Variants in DCC observed in about 807,000 individuals in gnomAD.
The protein encoded by DCC is DCC netrin 1 receptor.
In DCC, 58 loss-of-function variants were observed where a neutral mutation model predicts 172.5. The ratio of observed to expected loss-of-function variants is 0.34; its 90% confidence interval spans 0.27 to 0.42. The LOEUF (loss-of-function observed/expected upper bound fraction) is 0.42. DCC is among the 10% of genes least tolerant of loss of function. The pLI, the probability that DCC is intolerant of heterozygous loss-of-function variation, is 1.00. For synonymous variants in DCC, 709 were observed against 644.5 expected (o/e 1.10, Z -1.52); for missense variants, 1,740 against 1,791.0 (o/e 0.97, Z 0.51).
chr18:52,749,829 A>G (rs1843900525), intron 1 of DCC, among the ~76,000 whole-genome samples: 1 of 152,264 alleles, frequency 6.6e-6, no homozygotes, highest in African/African-American at 2.4e-5. Context: ...CCCCAGGAAG[A>G]ACAAAAAAGC....
intron 1 of DCC, among the ~76,000 whole-genome samples, chr18:52,360,809 A>T (rs1351059274): frequency 6.6e-6 from 1 of 152,206 alleles, no homozygotes; most frequent in Non-Finnish European, 1.5e-5. Context: ...ATTGGATACA[A>T]ATGTTTAGTT....
chr18:53,348,527 T>C (rs1479303918), intron 15 of DCC, among the ~76,000 whole-genome samples: 1 of 152,100 alleles, frequency 6.6e-6, no homozygotes, highest in Admixed American at 6.5e-5. Flanking sequence ...TGGAGGACAG[T>C]GGCCCTCTTC....
intron 15 of DCC, among the ~76,000 whole-genome samples, chr18:53,345,668 C>G (rs2057715064): frequency 6.6e-6 from 1 of 152,072 alleles, no homozygotes; most frequent in Non-Finnish European, 1.5e-5. Context: ...GTGGCAACAA[C>G]TTTTCTTCGT....
In DCC at chr18:52,923,834, A is replaced by T. The variant is rs747919102; in HGVS notation, c.825A>T (p.Arg275=). 3.7e-6 allele frequency: 6 copies of T among 1,613,218 alleles called. No individual in the cohort carries two copies. In the South Asian group the frequency reaches 6.6e-5, roughly 18 times the overall value. The stretch of plus-strand genomic sequence containing the variant: ...CTCCACCAAGTTTTACCTGGTTACG[A>T]GGCGAGGAAGTCATCCAACTCAGGT... ...GYPPPSFTWL[R]GEEVIQLRSK... The change falls in exon 4 of 29, where the codon CGA becomes CGT. Residue 275 remains arginine, a synonymous_variant. Transcript: ENST00000442544.
chr18:52,723,593 C>T (rs925913587), intron 1 of DCC, among the ~76,000 whole-genome samples: 5 of 152,162 alleles, frequency 3.3e-5, no homozygotes, highest in Non-Finnish European at 5.9e-5. Flanking sequence ...GAGGGTGAGG[C>T]TTGGCTGTGG....
At chr18:52,936,984 G>A (rs1044713359) in intron 5 of DCC, among the ~76,000 whole-genome samples, 1 of 152,080 alleles carries the variant, frequency 6.6e-6, no homozygotes, top group African/African-American at 2.4e-5. Context: ...TATGTAGTAA[G>A]GTATGGACTC....
intron 1 of DCC, among the ~76,000 whole-genome samples, chr18:52,540,953 A>G (rs1432375855): frequency 6.6e-6 from 1 of 152,072 alleles, no homozygotes; most frequent in African/African-American, 2.4e-5. Context: ...GGCCTCAAAC[A>G]TGAGGTTGTA....
At chr18:52,843,894 C>G (rs1465394189) in intron 2 of DCC, among the ~76,000 whole-genome samples, 1 of 152,086 alleles carries the variant, frequency 6.6e-6, no homozygotes, top group Non-Finnish European at 1.5e-5. Flanking sequence ...CCACTGTGGG[C>G]TGACTCATTT....
intron 8 of DCC, among the ~76,000 whole-genome samples, chr18:53,158,110 C>G (rs371855244): frequency 1.3e-5 from 2 of 149,694 alleles, no homozygotes; most frequent in Non-Finnish European, 3.0e-5. Context: ...TCTATTATGT[C>G]CCCACGAAAA....
intron 7 of DCC, among the ~76,000 whole-genome samples, chr18:53,088,570 C>A (rs890888707): frequency 6.6e-6 from 1 of 151,876 alleles, no homozygotes; most frequent in Admixed American, 6.6e-5. Context: ...AAAATAAGAG[C>A]AGAACTGAAG....
At position 53,468,342 on chromosome 18, in the gene DCC, T is replaced by TTTTA. The variant is rs60585459; in HGVS notation, c.3736+352_3736+355dup. 1.1e-3 allele frequency among the ~76,000 whole-genome samples: 139 copies of TTTTA among 131,018 alleles called. 1 individual carries two copies. The Middle Eastern group carries it at 0.016, about 15-fold the overall frequency. 86.0% of individuals were successfully genotyped at this position (131,018 alleles called of 152,430 possible). A position where few individuals can be genotyped will look rare whatever the true frequency, so the allele number is the denominator to read the frequency against. On this transcript the variant is annotated intron_variant, in intron 25 of 28. Coordinates refer to ENST00000442544, the MANE Select transcript of DCC (RefSeq NM_005215.4). ...TCTAATAATCATCTCCATAGTTTAT[T>TTTTA]TTTATTTATTTATTTATTTATTTTA...
At chr18:52,586,231 A>G (rs1315303503) in intron 1 of DCC, among the ~76,000 whole-genome samples, 1 of 152,056 alleles carries the variant, frequency 6.6e-6, no homozygotes, top group Non-Finnish European at 1.5e-5. Context: ...TTTTCTTCCA[A>G]TTTTCACTGA....
chr18:52,935,291 T>C (rs17391654), intron 5 of DCC, among the ~76,000 whole-genome samples: 3,258 of 152,230 alleles, frequency 0.021, 58 homozygotes, highest in Admixed American at 0.039. Context: ...TTTTGTTCGC[T>C]ATCATCCCTT....
At chr18:52,500,576 T>G (rs1161744311) in intron 1 of DCC, among the ~76,000 whole-genome samples, 5 of 152,158 alleles carry the variant, frequency 3.3e-5, no homozygotes, top group Non-Finnish European at 7.4e-5. Flanking sequence ...GCCCTCTAGA[T>G]TGGTGTCTTG....
chr18:52,714,379 C>A (rs1287070294), intron 1 of DCC, among the ~76,000 whole-genome samples: 2 of 152,090 alleles, frequency 1.3e-5, no homozygotes, highest in South Asian at 2.1e-4. Flanking sequence ...GCCAAACAGA[C>A]AAAGCAACAA....
intron 5 of DCC, among the ~76,000 whole-genome samples, chr18:53,050,285 C>T (rs66535948): frequency 0.11 from 16,166 of 150,532 alleles, 1,226 homozygotes; most frequent in East Asian, 0.38. Flanking sequence ...CTGTTAACAC[C>T]CAGAAACACC....
At chr18:53,070,937 C>A (rs2042643421) in intron 7 of DCC, among the ~76,000 whole-genome samples, 1 of 152,170 alleles carries the variant, frequency 6.6e-6, no homozygotes, top group Non-Finnish European at 1.5e-5. Context: ...ATAAATTAAG[C>A]AATGAGGCTG....
At chr18:53,195,227 G>C (rs2055425965) in intron 9 of DCC, among the ~76,000 whole-genome samples, 1 of 152,166 alleles carries the variant, frequency 6.6e-6, no homozygotes, top group African/African-American at 2.4e-5. Context: ...AGTTATCTTA[G>C]AGATAGTTTC....
intron 1 of DCC, among the ~76,000 whole-genome samples, chr18:52,589,875 T>C (rs1310371655): frequency 6.6e-6 from 1 of 152,216 alleles, no homozygotes; most frequent in Non-Finnish European, 1.5e-5. Flanking sequence ...GCACAGTTTG[T>C]ATAAATTATT....
Sources: allele counts gnomAD v4.1 joint callset (sites outside exome capture counted in the v4.1 genomes callset), GRCh38; gene constraint gnomAD v4.1.1; transcripts MANE v1.5; gene names NCBI Gene and HGNC (gene_info 2026-07-23, HGNC 2026-07-21).